The following BMPR1A variants were observed in gnomAD, a reference collection of about 807,000 sequenced individuals.
BMPR1A encodes the protein bone morphogenetic protein receptor type 1A, also known as bone morphogenetic protein receptor type-1A.
BMPR1A carries 7 observed loss-of-function variants against 66.0 expected under a neutral mutation model. The ratio of observed to expected loss-of-function variants is 0.11; its 90% confidence interval spans 0.06 to 0.20. BMPR1A has a LOEUF of 0.20. Ranked by LOEUF, BMPR1A falls within the 10% of genes least tolerant of loss-of-function variation. BMPR1A has a pLI of 1.00. For missense variants in BMPR1A, 408 were observed against 669.1 expected (o/e 0.61, Z 4.31); for synonymous variants, 200 against 229.7 (o/e 0.87, Z 1.17).
At chr10:86,769,502 A>G (rs1267740863) in intron 1 of BMPR1A, among the ~76,000 whole-genome samples, 2 of 152,254 alleles carry the variant, frequency 1.3e-5, no homozygotes, top group Non-Finnish European at 2.9e-5. Context: ...AAAGTTACAT[A>G]TAAAGTAAAG....
At chr10:86,784,850 T>C (rs1228965751) in intron 1 of BMPR1A, among the ~76,000 whole-genome samples, 2 of 152,152 alleles carry the variant, frequency 1.3e-5, no homozygotes, top group Non-Finnish European at 2.9e-5. Context: ...TGTTGTAATG[T>C]CCCCTCTTTC....
chr10:86,766,581 G>C (rs1479378220), intron 1 of BMPR1A, among the ~76,000 whole-genome samples: 1 of 149,888 alleles, frequency 6.7e-6, no homozygotes, highest in Non-Finnish European at 1.5e-5. Context: ...AACAGTATTT[G>C]AATATGTTCT....
chr10:86,917,219 G>A lies in BMPR1A; in HGVS notation c.761G>A (p.Arg254His), dbSNP rs766908700. The change falls in exon 9 of 13, where the codon CGT (arginine) becomes CAT (histidine). Residue 254 changes from arginine to histidine, a missense_variant. Physicochemically the swap from Arg to His is conservative, Grantham distance 29. Transcript: ENST00000372037. ...GGAGAAGTATGGATGGGCAAATGGC[G>A]TGGCGAAAAAGTGGCGGTGAAAGTA... ...RYGEVWMGKW[R>H]GEKVAVKVFF... The A allele has an allele frequency of 1.2e-5, 20 of 1,613,914 alleles. No homozygotes were observed. Among genetic ancestry groups the A allele is most frequent in the South Asian group, 3.3e-5 (3 of 91,078 alleles).
At chr10:86,758,947 A>G (rs1220390799) in intron 1 of BMPR1A, among the ~76,000 whole-genome samples, 1 of 152,248 alleles carries the variant, frequency 6.6e-6, no homozygotes, top group Non-Finnish European at 1.5e-5. Context: ...CCAAGGCAGT[A>G]AGATACAACA....
At chr10:86,844,983 C>A (rs1181286051) in intron 2 of BMPR1A, among the ~76,000 whole-genome samples, 1 of 152,130 alleles carries the variant, frequency 6.6e-6, no homozygotes, top group Non-Finnish European at 1.5e-5. Context: ...GCCATGTTGG[C>A]CAGGCTGGTC....
Position 86,925,999 on chromosome 10 carries a change from T to G in BMPR1A, c.*2280T>G. On this transcript the variant is annotated 3_prime_UTR_variant, in exon 13 of 13. Coordinates refer to ENST00000372037, the MANE Select transcript of BMPR1A (RefSeq NM_004329.3). ...GCCTCGGCCTCCCAAAGTTCATTTGTCATCTTAATAAAAATATAAAGACAG... is the reference window on the plus strand; with the variant it reads ...GCCTCGGCCTCCCAAAGTTCATTTGGCATCTTAATAAAAATATAAAGACAG... The G allele has an allele frequency of 5.8e-6, 1 of 171,696 alleles. No individual in the cohort carries two copies. The highest frequency in any genetic ancestry group is 1.3e-5 in the Non-Finnish European group (1 of 79,218). 10.6% of individuals were successfully genotyped at this position (171,696 alleles called of 1,614,324 possible). A position where few individuals can be genotyped will look rare whatever the true frequency, so the allele number is the denominator to read the frequency against.
chr10:86,819,104 A>G (rs1371275179), intron 1 of BMPR1A, among the ~76,000 whole-genome samples: 1 of 152,136 alleles, frequency 6.6e-6, no homozygotes, highest in Non-Finnish European at 1.5e-5. Context: ...TCTGTATCTT[A>G]TATTCTTATT....
At chr10:86,917,368 C>CT (rs1843590442) in intron 9 of BMPR1A, 42 bp downstream of exon 9, 1 of 1,608,086 alleles carries the variant, frequency 6.2e-7, no homozygotes, top group Non-Finnish European at 8.5e-7. Context: ...TTTGACAAGG[C>CT]TAGTGAGGTA....
chr10:86,820,589 A>G (rs1377504497), intron 1 of BMPR1A, among the ~76,000 whole-genome samples: 3 of 152,128 alleles, frequency 2.0e-5, no homozygotes, highest in Non-Finnish European at 2.9e-5. Context: ...TTCGATTGTA[A>G]CACTGATCAA....
chr10:86,918,037 C>T (rs1458852275), intron 9 of BMPR1A, among the ~76,000 whole-genome samples: 3 of 152,284 alleles, frequency 2.0e-5, no homozygotes, highest in Non-Finnish European at 2.9e-5. Context: ...TTCCTTGCCT[C>T]CTCTGGCTAC....
chr10:86,846,892 A>G (rs1481787006), intron 2 of BMPR1A, among the ~76,000 whole-genome samples: 1 of 152,144 alleles, frequency 6.6e-6, no homozygotes, highest in Non-Finnish European at 1.5e-5. Context: ...TAAGTTTTAA[A>G]GATACTATTA....
intron 5 of BMPR1A, among the ~76,000 whole-genome samples, chr10:86,892,996 A>G (rs1166636288): frequency 2.0e-5 from 3 of 152,136 alleles, no homozygotes; most frequent in African/African-American, 7.2e-5. Context: ...TTCTTTAAAA[A>G]TAAAAATTTT....
At chr10:86,839,980 CATGTTAG>C (rs903624202) in intron 2 of BMPR1A, among the ~76,000 whole-genome samples, 2 of 151,992 alleles carry the variant, frequency 1.3e-5, no homozygotes, top group African/African-American at 2.4e-5. Context: ...GATTTTTTAA[CATGTTAG>C]AATAATAGAT....
intron 1 of BMPR1A, among the ~76,000 whole-genome samples, chr10:86,821,937 G>A (rs1254875904): frequency 6.6e-6 from 1 of 152,050 alleles, no homozygotes; most frequent in Non-Finnish European, 1.5e-5. Context: ...CTGAGTAGCT[G>A]GGACAGCAGG....
chr10:86,849,052 T>C (rs17107110), intron 2 of BMPR1A, among the ~76,000 whole-genome samples: 5,105 of 152,296 alleles, frequency 0.034, 192 homozygotes, highest in African/African-American at 0.092. Flanking sequence ...TTCTAAACCA[T>C]GGTGCACTCA....
chr10:86,799,481 C>T (rs138702888), intron 1 of BMPR1A, among the ~76,000 whole-genome samples: 27 of 114,022 alleles, frequency 2.4e-4, no homozygotes, highest in African/African-American at 9.9e-4. Context: ...TTCCTTCCTT[C>T]CTTCCTTCCT....
At chr10:86,792,036 C>T (rs1441139431) in intron 1 of BMPR1A, among the ~76,000 whole-genome samples, 5 of 147,822 alleles carry the variant, frequency 3.4e-5, no homozygotes, top group Admixed American at 2.7e-4. Context: ...GAATTTTTAC[C>T]TTTAATGTTG....
intron 1 of BMPR1A, among the ~76,000 whole-genome samples, chr10:86,769,998 A>C (rs1841227095): frequency 6.6e-6 from 1 of 152,092 alleles, no homozygotes; most frequent in Non-Finnish European, 1.5e-5. Flanking sequence ...TAGTTGGAAG[A>C]GGGTGAGCTG....
At position 86,924,249 on chromosome 10, in the gene BMPR1A, A is replaced by G. The variant is rs950550961; in HGVS notation, c.*530A>G. ...TCCTTAGTGATGTGTGTGTGTCTCC[A>G]TGCACATGCACGCCGGGATTCCTCT... On this transcript the variant is annotated 3_prime_UTR_variant, in exon 13 of 13. Transcript: ENST00000372037. 4.1e-6 allele frequency: 1 copy of G among 243,288 alleles called. No homozygotes were observed. The highest frequency in any genetic ancestry group is 5.0e-5 in the Admixed American group (1 of 20,120). 15.1% of individuals were successfully genotyped at this position (243,288 alleles called of 1,614,324 possible).
Sources: gnomAD v4.1 joint callset for allele counts (sites outside exome capture counted in the v4.1 genomes callset) on GRCh38, gnomAD v4.1.1 for gene constraint, MANE v1.5 for transcripts, NCBI Gene and HGNC (gene_info 2026-07-23, HGNC 2026-07-21) for gene names.